The following MYO15A variants were observed in gnomAD, a reference collection of about 807,000 sequenced individuals.
MYO15A encodes myosin XVA.
Under a neutral mutation model 394.6 loss-of-function variants are expected in MYO15A, and 308 were observed. The observed-to-expected ratio is 0.78, with a 90% CI of 0.71 to 0.86. MYO15A has a LOEUF of 0.86. MYO15A is among the 40% of genes least tolerant of loss of function. The pLI is 0.00. For missense variants in MYO15A, 4,606 were observed against 4,799.1 expected (o/e 0.96, Z 1.19); for synonymous variants, 1,957 against 2,003.8 (o/e 0.98, Z 0.62).
At chr17:18,137,803 G>A in intron 16 of MYO15A, 124 bp downstream of exon 16, 1 of 1,159,964 alleles carries the variant, frequency 8.6e-7, no homozygotes, top group Non-Finnish European at 1.3e-6. Context: ...TAGAGGGAAA[G>A]GCATTCTAAG....
chr17:18,112,386 A>C, intron 1 of MYO15A, among the ~76,000 whole-genome samples: 4 of 149,594 alleles, frequency 2.7e-5, no homozygotes, highest in Non-Finnish European at 3.0e-5. Flanking sequence ...TTCCATTTTC[A>C]CATATACACT....
At position 18,120,106 on chromosome 17, in the gene MYO15A, G is replaced by A; in HGVS notation, c.1306G>A (p.Glu436Lys). ...CGCCATGGATGACATCGCCGAGCTG[G>A]AGGAACCAGAGGACGCGGGCGTAGA... ...AHAMDDIAELEEPEDAGVERQ... is the reference protein window; with the variant it reads ...AHAMDDIAELKEPEDAGVERQ... The change falls in exon 2 of 66, where the codon GAG (glutamate) becomes AAG (lysine). Residue 436 changes from glutamate to lysine, a missense_variant. Glu to Lys is a moderately conservative substitution (Grantham distance 56). Around this residue, in one of 2 missense-constraint regions of MYO15A, gnomAD observed 1,830 missense variants for 1,689.7 expected, o/e 1.08. Transcript: ENST00000647165. 1.9e-6 allele frequency: 3 copies of A among 1,612,580 alleles called. No individual in the cohort carries two copies. The highest frequency in any genetic ancestry group is 2.5e-6 in the Non-Finnish European group (3 of 1,179,498).
intron 56 of MYO15A, chr17:18,160,970 G>A (rs2046765338): frequency 2.4e-6 from 1 of 411,136 alleles, no homozygotes; most frequent in South Asian, 2.1e-5. Flanking sequence ...GGCCTTACCT[G>A]GCATGACCTC....
At chr17:18,170,864 A>G (rs1325528088) in intron 62 of MYO15A, among the ~76,000 whole-genome samples, 3 of 152,178 alleles carry the variant, frequency 2.0e-5, no homozygotes. Flanking sequence ...GAGAGGTTAT[A>G]TGGCTTACTG....
chr17:18,156,861 A>T, intron 48 of MYO15A, 93 bp from the exon 49 acceptor site: 1 of 1,108,006 alleles, frequency 9.0e-7, no homozygotes, highest in Non-Finnish European at 1.4e-6. Context: ...TTCCCTGATG[A>T]GTCAGGAAGG....
In MYO15A at chr17:18,120,562, C is replaced by G. The variant is rs774157005; in HGVS notation, c.1762C>G (p.Arg588Gly). 2.5e-6 allele frequency: 4 copies of G among 1,599,242 alleles called. No individual in the cohort carries two copies. The highest frequency in any genetic ancestry group is 3.4e-5 in the Admixed American group (2 of 59,010). Reference sequence around the variant, plus strand: ...GCTGTCGGAGAAGAAGCCCATCGCGCGGCTCAGGGGCAGCCAGAAGGCCCG... The same window carrying G: ...GCTGTCGGAGAAGAAGCCCATCGCGGGGCTCAGGGGCAGCCAGAAGGCCCG... ...KTLSEKKPIA[R>G]LRGSQKARAG... is the part of the protein sequence containing the mutation. Residue 588 changes from arginine (R) to glycine (G), a missense_variant, in exon 2 of 66, where the codon CGG becomes GGG. Arg to Gly is a moderately radical substitution (Grantham distance 125, BLOSUM62 -2). Transcript: ENST00000647165.
chr17:18,138,240 TC>T lies in MYO15A; in HGVS notation c.5005del (p.Gln1669ArgfsTer128), dbSNP rs2046315916. ...LRILDDQCCFPQATDHTFLQK... is the reference protein window; with the variant it reads ...LRILDDQCCFXQATDHTFLQK... ...GGATCCTTGACGACCAGTGTTGCTT[TC>T]CCCAGGTGAGCCGCAGGCACTGTGT... On this transcript the variant is annotated frameshift_variant, in exon 17 of 66. Transcript: ENST00000647165. LOFTEE classifies it high-confidence loss of function. 1.2e-6 allele frequency: 2 copies of T among 1,612,782 alleles called. No individual in the cohort carries two copies. The highest frequency in any genetic ancestry group is 1.1e-5 in the South Asian group (1 of 91,076).
At chr17:18,122,795 C>A (rs2045962283) in intron 2 of MYO15A, 1 of 212,576 alleles carries the variant, frequency 4.7e-6, no homozygotes, top group Non-Finnish European at 9.5e-6. Context: ...GCCTATCCAT[C>A]CTGTTCCACC....
In MYO15A at chr17:18,120,852, C is replaced by T; in HGVS notation, c.2052C>T (p.Leu684=). ...CCGCGCCGCCGCTCTCCCCGGCGCT[C>T]TCGGGCCTGCCCCGGCCGGCCTCGC... is the stretch of plus-strand genomic sequence containing the variant. ...PPPAPPLSPA[L]SGLPRPASPY... The change falls in exon 2 of 66, where the codon CTC becomes CTT. Residue 684 remains leucine, a synonymous_variant. Transcript: ENST00000647165. 8.3e-7 allele frequency: 1 copy of T among 1,203,550 alleles called. No individual in the cohort carries two copies. Among genetic ancestry groups the T allele is most frequent in the Non-Finnish European group, 1.0e-6 (1 of 967,056 alleles). 74.6% of individuals were successfully genotyped at this position (1,203,550 alleles called of 1,614,324 possible).
At chr17:18,161,136 A>G (rs1170392505) in intron 56 of MYO15A, 181 bp from the exon 57 acceptor site, 17 of 979,062 alleles carry the variant, frequency 1.7e-5, no homozygotes, top group African/African-American at 4.8e-5. Flanking sequence ...TTCTGTCCCT[A>G]TCCCCAATCC....
chr17:18,155,513 C>T, intron 47 of MYO15A, 81 bp downstream of exon 47: 3 of 1,296,314 alleles, frequency 2.3e-6, no homozygotes, highest in Non-Finnish European at 3.3e-6. Flanking sequence ...TCCACAGCCA[C>T]TTACCAAGTA....
At position 18,122,285 on chromosome 17, in the gene MYO15A, A is replaced by T; in HGVS notation, c.3485A>T (p.Asp1162Val). 2 of 1,613,060 alleles carry T rather than the reference A, an allele frequency of 1.2e-6. No individual in the cohort carries two copies. Among genetic ancestry groups the T allele is most frequent in the South Asian group, 2.2e-5 (2 of 91,064 alleles). Residue 1162 changes from aspartate (D) to valine (V), a missense_variant, in exon 2 of 66, where the codon GAT (aspartate) becomes GTT (valine). Coordinates refer to ENST00000647165, the MANE Select transcript of MYO15A (RefSeq NM_016239.4). ...TGGTCCTGCCTCTGGCTTCGGGCAG[A>T]TGCCTATGGACCCTGGCCACGAGTA... ...LRWSCLWLRA[D>V]AYGPWPRVHT...
At chr17:18,126,556 T>A (rs994251803) in intron 5 of MYO15A, 100 bp downstream of exon 5, 2 of 1,238,162 alleles carry the variant, frequency 1.6e-6, no homozygotes, top group African/African-American at 1.5e-5. Flanking sequence ...GAGTCAGAGG[T>A]AATGGGGAAA....
At position 18,142,800 on chromosome 17, in the gene MYO15A, C is replaced by A. The variant is rs876657901; in HGVS notation, c.5870C>A (p.Ser1957Tyr). The A allele has an allele frequency of 8.1e-6, 13 of 1,613,650 alleles. No individual in the cohort carries two copies. The highest frequency in any genetic ancestry group is 3.3e-5 in the Admixed American group (2 of 60,000). ...QMRRSLVKFRSLVHAYVSRRR... is the reference protein window; with the variant it reads ...QMRRSLVKFRYLVHAYVSRRR... ...AGGAGGAGTCTGGTGAAGTTCCGGT[C>A]CCTGGTACACGCATACGTGAGCCGC... Residue 1957 changes from serine (S) to tyrosine (Y), a missense_variant, in exon 25 of 66, where the codon TCC becomes TAC. This residue lies in a region of MYO15A where 2,776 missense variants were observed against 3,109.3 expected (regional missense o/e 0.89). Transcript: ENST00000647165.
intron 42 of MYO15A, among the ~76,000 whole-genome samples, chr17:18,152,387 T>C (rs575594303): frequency 6.6e-6 from 1 of 152,254 alleles, no homozygotes; most frequent in East Asian, 1.9e-4. Context: ...CATGTAATCC[T>C]ACCAGAACCC....
At position 18,121,813 on chromosome 17, in the gene MYO15A, G is replaced by T; in HGVS notation, c.3013G>T (p.Ala1005Ser). 6.2e-7 allele frequency: 1 copy of T among 1,612,794 alleles called. No homozygotes were observed. Among genetic ancestry groups the T allele is most frequent in the Non-Finnish European group, 8.5e-7 (1 of 1,179,916 alleles). The change falls in exon 2 of 66, where the codon GCT becomes TCT. Residue 1005 changes from alanine to serine, a missense_variant. Transcript: ENST00000647165. The surrounding 1 kb of genome is among the most constrained non-coding windows in gnomAD (Gnocchi z 5.3). ...GGGGCCTGGACAGCTCACCAAATCAGCTGGCCCAACCCCTGAGAAGCCTGA... is the reference window on the plus strand; with the variant it reads ...GGGGCCTGGACAGCTCACCAAATCATCTGGCCCAACCCCTGAGAAGCCTGA... Reference protein sequence around the residue: ...EPGPGQLTKSAGPTPEKPEEE... With the variant: ...EPGPGQLTKSSGPTPEKPEEE...
At chr17:18,138,787 C>T (rs756422643) in intron 17 of MYO15A, 24 bp from the exon 18 acceptor site, 1 of 1,612,964 alleles carries the variant, frequency 6.2e-7, no homozygotes, top group Non-Finnish European at 8.5e-7. Flanking sequence ...CCTGCCCACC[C>T]ACTGATCCCT....
chr17:18,141,812 T>C, intron 23 of MYO15A, 42 bp downstream of exon 23: 1 of 1,593,114 alleles, frequency 6.3e-7, no homozygotes, highest in Admixed American at 1.7e-5. Context: ...ACCCCAAGTT[T>C]GGGGGGGTCC....
rs745724222 is a variant in MYO15A, at chr17:18,126,440, C to T, written c.3850C>T (p.Leu1284=). The T allele has an allele frequency of 1.9e-5, 30 of 1,613,740 alleles. No individual in the cohort carries two copies. The highest frequency in any genetic ancestry group is 2.5e-5 in the Non-Finnish European group (30 of 1,179,984). Residue 1284 remains leucine, a synonymous_variant, in exon 5 of 66, where the codon CTG becomes TTG. Transcript: ENST00000647165. The part of the protein sequence containing the change: ...EQVQQYNGRA[L]GENPPHLFAV... ...GGTGCAGCAGTACAACGGACGGGCC[C>T]TGGGAGAGAATCCCCCGTGAGTGTC...
Sources: gnomAD v4.1 joint callset for allele counts (sites outside exome capture counted in the v4.1 genomes callset) on GRCh38, gnomAD v4.1.1 for gene constraint, gnomAD v4.1.1 regional missense constraint, Gnocchi (gnomAD v3.1) non-coding constraint, MANE v1.5 for transcripts, NCBI Gene and HGNC (gene_info 2026-07-23, HGNC 2026-07-21) for gene names.